DEUP1: variants seen among roughly 807,000 people sequenced by gnomAD.
DEUP1 encodes coiled-coil domain containing 67.
Under a neutral mutation model 87.4 loss-of-function variants are expected in DEUP1, and 82 were observed. That is an observed-to-expected ratio of 0.94 (90% CI 0.78 to 1.13). The LOEUF (loss-of-function observed/expected upper bound fraction) is 1.13, where lower values mean the gene tolerates loss of function less well. Ranked by LOEUF, DEUP1 falls within the 50% of genes most tolerant of loss-of-function variation. DEUP1 has a pLI of 0.00. For missense variants in DEUP1, 663 were observed against 681.5 expected, an observed-to-expected ratio of 0.97 and a Z score of 0.30; for synonymous variants, 214 against 222.7, an observed-to-expected ratio of 0.96 and a Z score of 0.35.
intron 8 of DEUP1, among the ~76,000 whole-genome samples, chr11:93,386,310 A>G (rs554293843): frequency 6.6e-6 from 1 of 152,264 alleles, no homozygotes; most frequent in Non-Finnish European, 1.5e-5. Context: ...CATAAACACA[A>G]AGGAAATCAG....
chr11:93,434,711 G>T (rs78519934), intron 13 of DEUP1, among the ~76,000 whole-genome samples: 2 of 152,234 alleles, frequency 1.3e-5, no homozygotes, highest in African/African-American at 4.8e-5. Context: ...AAGATACATA[G>T]ACAGAAAGCA....
intron 11 of DEUP1, among the ~76,000 whole-genome samples, chr11:93,402,643 G>T (rs1947152617): frequency 6.6e-6 from 1 of 151,618 alleles, no homozygotes; most frequent in East Asian, 1.9e-4. Context: ...AAGAAATGTG[G>T]TATATATACA....
intron 2 of DEUP1, among the ~76,000 whole-genome samples, chr11:93,340,626 C>G (rs970254607): frequency 1.3e-5 from 2 of 152,142 alleles, no homozygotes; most frequent in African/African-American, 4.8e-5. Flanking sequence ...GGCAGACAAG[C>G]TAAGCTGTGG....
rs1008191440 is a variant in DEUP1, at chr11:93,438,213, T to G, written c.*494T>G. 2.0e-5 allele frequency: 3 copies of G among 152,198 alleles called. No homozygotes were observed. The highest frequency in any genetic ancestry group is 4.4e-5 in the Non-Finnish European group (3 of 68,120). The allele number at this position is 152,198 out of a possible 1,614,324, so 9.4% of individuals were successfully genotyped here. On this transcript the variant is annotated 3_prime_UTR_variant, in exon 14 of 14. Coordinates refer to ENST00000298050, the MANE Select transcript of DEUP1 (RefSeq NM_181645.4). ...TGTAAACACTCTAAAATTCTATAATTTTTTGGAAAAAAAAAGCTATAGCTT... is the reference window on the plus strand; with the variant it reads ...TGTAAACACTCTAAAATTCTATAATGTTTTGGAAAAAAAAAGCTATAGCTT...
chr11:93,421,193 G>T (rs1947863684), intron 13 of DEUP1, among the ~76,000 whole-genome samples: 1 of 33,558 alleles, frequency 3.0e-5, no homozygotes, highest in Non-Finnish European at 5.5e-5. Flanking sequence ...GGGTCAGGGA[G>T]TTCCCTTTCC....
rs539378145 is a variant in DEUP1 at position 93,375,181 on chromosome 11, G to A, written c.789+3901G>A. Among the ~76,000 whole-genome samples the A allele has an allele frequency of 5.2e-4, 79 of 152,098 alleles. 1 individual carries two copies. The highest frequency in any genetic ancestry group is 1.4e-3 in the Admixed American group (21 of 15,274). ...TACTGAATTCATTTGTCAGTTCTAG[G>A]AGCTTTTTGGATGAATCTTTAGAGT... On this transcript the variant is annotated intron_variant, in intron 7 of 13. Coordinates refer to ENST00000298050, the MANE Select transcript of DEUP1 (RefSeq NM_181645.4).
chr11:93,345,654 TC>T (rs1591094659), intron 2 of DEUP1, among the ~76,000 whole-genome samples: 1 of 152,230 alleles, frequency 6.6e-6, no homozygotes, highest in African/African-American at 2.4e-5. Context: ...TGCATGTATG[TC>T]TTCTTTTGAG....
intron 7 of DEUP1, among the ~76,000 whole-genome samples, chr11:93,381,442 TTTG>T (rs982387230): frequency 1.3e-5 from 2 of 152,206 alleles, no homozygotes. Flanking sequence ...TAAAATTCTC[TTTG>T]TTTATGGCAC....
intron 11 of DEUP1, among the ~76,000 whole-genome samples, chr11:93,398,624 A>G (rs1947013457): frequency 1.3e-5 from 2 of 152,096 alleles, no homozygotes; most frequent in Non-Finnish European, 2.9e-5. Flanking sequence ...TACCAGGTGA[A>G]CATATTTTTG....
intron 2 of DEUP1, among the ~76,000 whole-genome samples, chr11:93,336,799 G>T (rs1328381409): frequency 6.6e-6 from 1 of 152,122 alleles, no homozygotes; most frequent in East Asian, 1.9e-4. Flanking sequence ...ACACTCACTT[G>T]CTACTTCCAG....
intron 2 of DEUP1, among the ~76,000 whole-genome samples, chr11:93,349,660 T>C (rs1229796985): frequency 6.6e-6 from 1 of 152,184 alleles, no homozygotes; most frequent in Non-Finnish European, 1.5e-5. Flanking sequence ...ATCCTTTTTT[T>C]TTCATTCAGC....
intron 5 of DEUP1, among the ~76,000 whole-genome samples, chr11:93,366,122 A>G (rs937617404): frequency 1.3e-5 from 2 of 152,218 alleles, no homozygotes; most frequent in African/African-American, 2.4e-5. Context: ...GCGTTTAGGG[A>G]TGAAAACACA....
chr11:93,371,316 T>C, intron 7 of DEUP1, 36 bp downstream of exon 7: 1 of 1,585,990 alleles, frequency 6.3e-7, no homozygotes, highest in African/African-American at 1.4e-5. Flanking sequence ...ATATTGTCCA[T>C]GACTTGTATA....
intron 13 of DEUP1, among the ~76,000 whole-genome samples, chr11:93,418,781 C>T (rs923329637): frequency 4.6e-5 from 7 of 151,888 alleles, no homozygotes; most frequent in African/African-American, 7.3e-5. Context: ...TGGAACCAAC[C>T]CAAATGTCCA....
intron 11 of DEUP1, among the ~76,000 whole-genome samples, chr11:93,406,900 A>G (rs142041225): frequency 7.2e-4 from 110 of 152,152 alleles, no homozygotes; most frequent in Non-Finnish European, 1.1e-3. Context: ...CAGGAAACAT[A>G]TATATTCTAC....
intron 9 of DEUP1, among the ~76,000 whole-genome samples, chr11:93,393,647 T>C (rs1277152038): frequency 6.6e-6 from 1 of 152,224 alleles, no homozygotes; most frequent in African/African-American, 2.4e-5. Flanking sequence ...TATTTTTCTG[T>C]TTCCCCAATG....
chr11:93,401,872 T>A (rs1947130097), intron 11 of DEUP1, among the ~76,000 whole-genome samples: 2 of 152,030 alleles, frequency 1.3e-5, no homozygotes, highest in African/African-American at 2.4e-5. Flanking sequence ...GATTGAAGAC[T>A]TAAATCTAAG....
chr11:93,377,368 T>C (rs1392020290), intron 7 of DEUP1, among the ~76,000 whole-genome samples: 1 of 152,180 alleles, frequency 6.6e-6, no homozygotes, highest in Non-Finnish European at 1.5e-5. Flanking sequence ...TTATATAATG[T>C]CCCTTTTTGC....
At chr11:93,356,282 G>T (rs74525199) in intron 3 of DEUP1, among the ~76,000 whole-genome samples, 1 of 34,340 alleles carries the variant, frequency 2.9e-5, no homozygotes, top group Non-Finnish European at 6.1e-5. Flanking sequence ...GTGGAACTTA[G>T]TTTTTTGGCA....
Sources: gnomAD v4.1 joint callset for allele counts (sites outside exome capture counted in the v4.1 genomes callset) on GRCh38, gnomAD v4.1.1 for gene constraint, MANE v1.5 for transcripts, NCBI Gene and HGNC (gene_info 2026-07-23, HGNC 2026-07-21) for gene names.